PIP5K1B: variants seen among roughly 807,000 people sequenced by gnomAD.
PIP5K1B encodes the protein phosphatidylinositol-4-phosphate 5-kinase type 1 beta.
A neutral mutation model predicts 67.0 loss-of-function variants in PIP5K1B; 42 were observed. The ratio of observed to expected loss-of-function variants is 0.63; its 90% confidence interval spans 0.49 to 0.81. The LOEUF is 0.81. Ranked by LOEUF, PIP5K1B falls within the 30% of genes least tolerant of loss-of-function variation. The probability of loss-of-function intolerance (pLI) is 0.00; values close to 1 mark genes in which losing one functional copy is unlikely to be tolerated. For missense variants in PIP5K1B, 459 were observed against 646.3 expected (o/e 0.71, Z 3.14); for synonymous variants, 214 against 231.4 (o/e 0.92, Z 0.68).
chr9:68,871,881 C>T (rs934562539), intron 5 of PIP5K1B, among the ~76,000 whole-genome samples: 1 of 148,712 alleles, frequency 6.7e-6, no homozygotes, highest in Non-Finnish European at 1.5e-5. Flanking sequence ...CAACTTACGC[C>T]AAGACAAGAA....
At chr9:68,716,378 A>G (rs1270797744) in intron 1 of PIP5K1B, among the ~76,000 whole-genome samples, 1 of 152,254 alleles carries the variant, frequency 6.6e-6, no homozygotes, top group African/African-American at 2.4e-5. Context: ...AAAAGCTAAT[A>G]GAACCTAATT....
At position 68,736,398 on chromosome 9, in the gene PIP5K1B, G is replaced by A. The variant is rs570791816; in HGVS notation, c.-242-6103G>A. On this transcript the variant is annotated intron_variant, in intron 1 of 15. Transcript: ENST00000265382. ...CTGTGTATTTTAACATTTTTTTTCT[G>A]TTGCTCTGTAGTCCTCAGGTTTATA... Among the ~76,000 whole-genome samples, 6 of 151,814 alleles carry A rather than the reference G, an allele frequency of 4.0e-5. No homozygotes were observed. The South Asian group carries it at 1.2e-3, about 32-fold the overall frequency.
At chr9:68,862,776 AG>A (rs2132257803) in intron 4 of PIP5K1B, among the ~76,000 whole-genome samples, 1 of 151,720 alleles carries the variant, frequency 6.6e-6, no homozygotes, top group African/African-American at 2.4e-5. Flanking sequence ...TGGGCGACAG[AG>A]TAAGATGCTG....
At position 68,944,231 on chromosome 9, in the gene PIP5K1B, C is replaced by G. The variant is rs138626785; in HGVS notation, c.1502+3441C>G. On this transcript the variant is annotated intron_variant, in intron 14 of 15. Coordinates refer to ENST00000265382, the MANE Select transcript of PIP5K1B (RefSeq NM_003558.4). ...TTAAGTTCTGAATTTTTGATACTTG[C>G]ATTTTTATTTACTAGTAAGAAGTCT... Among the ~76,000 whole-genome samples, 191 of 152,240 alleles carry G rather than the reference C, an allele frequency of 1.3e-3. 2 individuals carry two copies. Among genetic ancestry groups the G allele is most frequent in the Middle Eastern group, 6.8e-3 (2 of 294 alleles).
chr9:68,795,167 G>A (rs557579957), intron 2 of PIP5K1B, among the ~76,000 whole-genome samples: 2 of 152,130 alleles, frequency 1.3e-5, no homozygotes, highest in South Asian at 4.2e-4. Context: ...GAGAGAGAGA[G>A]CGTGTGTGTG....
At chr9:68,979,702 C>T (rs1829804647) in intron 14 of PIP5K1B, among the ~76,000 whole-genome samples, 1 of 152,184 alleles carries the variant, frequency 6.6e-6, no homozygotes, top group African/African-American at 2.4e-5. Context: ...TCTCTTCCTG[C>T]CTATGGGTTC....
intron 2 of PIP5K1B, chr9:68,781,639 A>C (rs1240254218): frequency 1.2e-5 from 2 of 166,946 alleles, no homozygotes; most frequent in Non-Finnish European, 2.9e-5. Context: ...TTTTCAAATT[A>C]AGTATATAAA....
rs370345322 is a variant in PIP5K1B, at chr9:68,918,270, A to G, written c.983+511A>G. On this transcript the variant is annotated intron_variant, in intron 9 of 15. Transcript: ENST00000265382. ...ACACCTGGCTAATTTTTGTATTTTT[A>G]GTAGAGATGGAGTTTCACCATGTTG... is the stretch of plus-strand genomic sequence containing the variant. Among the ~76,000 whole-genome samples, 12 of 152,080 alleles carry G rather than the reference A, an allele frequency of 7.9e-5. No individual in the cohort carries two copies. In the East Asian group the frequency reaches 1.9e-3, roughly 24 times the overall value.
At chr9:68,968,711 A>ATTTTT (rs201070672) in intron 14 of PIP5K1B, among the ~76,000 whole-genome samples, 22 of 138,930 alleles carry the variant, frequency 1.6e-4, no homozygotes, top group African/African-American at 5.4e-4. Flanking sequence ...ATATATATAT[A>ATTTTT]TATATTTTTT....
intron 4 of PIP5K1B, among the ~76,000 whole-genome samples, chr9:68,823,556 TCTTAA>T (rs1232656260): frequency 6.6e-6 from 1 of 152,214 alleles, no homozygotes; most frequent in African/African-American, 2.4e-5. Flanking sequence ...TCCTAATGTA[TCTTAA>T]CTTACCAGTC....
intron 14 of PIP5K1B, among the ~76,000 whole-genome samples, chr9:68,987,147 G>T (rs115918723): frequency 0.011 from 1,716 of 152,226 alleles, 35 homozygotes; most frequent in African/African-American, 0.039. Context: ...ATTTACTCAG[G>T]AGGCTAAGAG....
At chr9:68,821,091 A>C (rs1295252253) in intron 3 of PIP5K1B, among the ~76,000 whole-genome samples, 1 of 152,192 alleles carries the variant, frequency 6.6e-6, no homozygotes, top group Non-Finnish European at 1.5e-5. Flanking sequence ...CAGCCTGGGC[A>C]GCATGGCAAA....
At chr9:68,859,322 G>A (rs2132243305) in intron 4 of PIP5K1B, among the ~76,000 whole-genome samples, 1 of 152,324 alleles carries the variant, frequency 6.6e-6, no homozygotes, top group East Asian at 1.9e-4. Context: ...CAGAGGAGCT[G>A]TGAAACTAAA....
At chr9:68,929,696 G>A (rs1826897169) in intron 12 of PIP5K1B, among the ~76,000 whole-genome samples, 1 of 152,020 alleles carries the variant, frequency 6.6e-6, no homozygotes, top group African/African-American at 2.4e-5. Flanking sequence ...TTGAGATGGA[G>A]TCTCACTCTG....
chr9:68,768,686 T>C (rs1830546770), intron 2 of PIP5K1B, among the ~76,000 whole-genome samples: 1 of 152,250 alleles, frequency 6.6e-6, no homozygotes, highest in Admixed American at 6.5e-5. Flanking sequence ...AAAATCTAGA[T>C]TTTTAACCTC....
At chr9:68,706,952 G>C (rs940416534) in intron 1 of PIP5K1B, among the ~76,000 whole-genome samples, 3 of 152,190 alleles carry the variant, frequency 2.0e-5, no homozygotes, top group African/African-American at 7.2e-5. Flanking sequence ...ATGAAGTAAG[G>C]ATGGGTTTCA....
At chr9:68,842,215 G>A (rs767509286) in intron 4 of PIP5K1B, among the ~76,000 whole-genome samples, 16 of 152,202 alleles carry the variant, frequency 1.1e-4, no homozygotes, top group Non-Finnish European at 2.2e-4. Context: ...TAGCCTTTGC[G>A]TGAGTGCCTA....
chr9:68,910,171 G>A (rs1170741706), intron 8 of PIP5K1B, among the ~76,000 whole-genome samples: 2 of 152,154 alleles, frequency 1.3e-5, no homozygotes, highest in Non-Finnish European at 2.9e-5. Flanking sequence ...TAGACTCAAA[G>A]CTCAGCCTAA....
intron 14 of PIP5K1B, among the ~76,000 whole-genome samples, chr9:68,965,973 CA>C (rs1198036806): frequency 0.31 from 20,923 of 67,108 alleles, 1,259 homozygotes; most frequent in East Asian, 0.47. Context: ...GACTCCATCT[CA>C]AAAAAAAAAA....
Sources: gnomAD v4.1 joint callset for allele counts (sites outside exome capture counted in the v4.1 genomes callset) on GRCh38, gnomAD v4.1.1 for gene constraint, MANE v1.5 for transcripts, NCBI Gene and HGNC (gene_info 2026-07-23, HGNC 2026-07-21) for gene names.